GGA2: variants seen among roughly 807,000 people sequenced by gnomAD.
GGA2 encodes the protein ADP-ribosylation factor-binding protein GGA2.
In GGA2, 48 loss-of-function variants were observed where a neutral mutation model predicts 79.5. That is an observed-to-expected ratio of 0.60 (90% CI 0.48 to 0.77). The LOEUF is 0.77. Among genes scored for constraint, GGA2 ranks in the 30% least tolerant of loss-of-function variants. The pLI is 0.00. For synonymous variants in GGA2, 317 were observed against 302.0 expected (o/e 1.05, Z -0.51); for missense variants, 770 against 774.0 (o/e 0.99, Z 0.06).
At chr16:23,504,680 C>G (rs529412775) in intron 1 of GGA2, among the ~76,000 whole-genome samples, 1 of 152,306 alleles carries the variant, frequency 6.6e-6, no homozygotes, top group South Asian at 2.1e-4. Context: ...GCTCCAAGGA[C>G]TAGCTAGGGG....
At chr16:23,500,254 A>G (rs763264148) in intron 1 of GGA2, among the ~76,000 whole-genome samples, 1 of 152,240 alleles carries the variant, frequency 6.6e-6, no homozygotes, top group Non-Finnish European at 1.5e-5. Context: ...GGGAAGAGGT[A>G]TAAGTGCTGA....
rs1180308406 is a variant in GGA2 at position 23,464,152 on chromosome 16, T to C, written c.*3438A>G. 1 of 152,214 alleles carries C rather than the reference T, an allele frequency of 6.6e-6. No individual in the cohort carries two copies. The highest frequency in any genetic ancestry group is 1.5e-5 in the Non-Finnish European group (1 of 68,032). The allele number at this position is 152,214 out of a possible 1,614,324, so 9.4% of individuals were successfully genotyped here. On this transcript the variant is annotated 3_prime_UTR_variant, in exon 17 of 17. Transcript: ENST00000309859. The stretch of plus-strand genomic sequence containing the variant: ...TTTACACTATTTGTACTAGGTAATA[T>C]TCACTTTTCTTTTGGTTGTCATTTA...
intron 3 of GGA2, 138 bp from the exon 4 acceptor site, chr16:23,493,596 T>C (rs777642356): frequency 1.6e-6 from 1 of 637,618 alleles, no homozygotes; most frequent in Non-Finnish European, 2.8e-6. Flanking sequence ...CACTGAAGTT[T>C]TGATGAAGAG....
chr16:23,491,625 G>A, intron 5 of GGA2, 52 bp downstream of exon 5: 2 of 1,560,772 alleles, frequency 1.3e-6, no homozygotes, highest in Non-Finnish European at 1.7e-6. Context: ...GAAAAAGCAA[G>A]AAGATACAGG....
intron 1 of GGA2, chr16:23,501,093 C>T (rs1259309879): frequency 5.3e-6 from 2 of 379,450 alleles, no homozygotes; most frequent in Middle Eastern, 6.4e-4. Flanking sequence ...TTTTGACAAG[C>T]CAATACACCC....
intron 10 of GGA2, 107 bp downstream of exon 10, chr16:23,480,538 C>T (rs1232242803): frequency 3.2e-6 from 3 of 939,960 alleles, no homozygotes; most frequent in Admixed American, 2.3e-5. Context: ...AGGGCGAGTT[C>T]TCTCATTTCT....
Position 23,478,442 on chromosome 16 carries a change from G to A in GGA2, c.1218C>T (p.Gly406=), listed in dbSNP as rs763901655. The A allele has an allele frequency of 2.2e-5, 35 of 1,611,146 alleles. No homozygotes were observed. The highest frequency in any genetic ancestry group is 8.0e-5 in the African/African-American group (6 of 74,862). ...CTGCAGAAGGGTTCTGAACACCACC[G>A]CCTGGCAGCGTGCTGGAGGAGGGAT... ...KRNPSSSTLP[G]GGVQNPSADR... The change falls in exon 13 of 17, where the codon GGC becomes GGT. Residue 406 remains glycine (G), a synonymous_variant. Transcript: ENST00000309859.
chr16:23,483,993 TAA>T (rs769058627), intron 8 of GGA2, among the ~76,000 whole-genome samples: 9 of 119,100 alleles, frequency 7.6e-5, no homozygotes, highest in South Asian at 3.0e-4. Flanking sequence ...AGGAAGACAT[TAA>T]AAAAAAAAAA....
intron 6 of GGA2, among the ~76,000 whole-genome samples, chr16:23,487,050 C>T (rs1320814203): frequency 7.0e-6 from 1 of 142,254 alleles, no homozygotes; most frequent in African/African-American, 2.6e-5. Flanking sequence ...GGCGCAATCT[C>T]GACTCACTGC....
At chr16:23,514,086 C>G (rs1965089943), upstream of GGA2, among the ~76,000 whole-genome samples, 3 of 152,034 alleles carry the variant, frequency 2.0e-5, no homozygotes, top group South Asian at 6.2e-4. Flanking sequence ...TCTGAAAGCT[C>G]CCATGTCAAC....
intron 5 of GGA2, among the ~76,000 whole-genome samples, chr16:23,490,746 A>G (rs1964772489): frequency 6.6e-6 from 1 of 152,056 alleles, no homozygotes; most frequent in Non-Finnish European, 1.5e-5. Flanking sequence ...AAAGAAAAAA[A>G]AAAAAAAGAA....
upstream of GGA2, chr16:23,523,886 G>T (rs1965180879): frequency 6.4e-6 from 1 of 157,046 alleles, no homozygotes; most frequent in Non-Finnish European, 1.4e-5. Flanking sequence ...ACAGTGAGAA[G>T]ACAGCTGTCT....
intron 1 of GGA2, among the ~76,000 whole-genome samples, chr16:23,500,683 C>T (rs1478393257): frequency 3.9e-5 from 6 of 152,240 alleles, no homozygotes; most frequent in Admixed American, 2.0e-4. Context: ...CAGGGTGTGG[C>T]GGGTGGAACC....
intron 1 of GGA2, among the ~76,000 whole-genome samples, chr16:23,499,088 C>G (rs969409971): frequency 6.6e-6 from 1 of 151,692 alleles, no homozygotes; most frequent in African/African-American, 2.4e-5. Flanking sequence ...GAATCCAGAG[C>G]CTTCTCACTC....
intron 9 of GGA2, among the ~76,000 whole-genome samples, chr16:23,481,925 A>T (rs1368328981): frequency 2.0e-5 from 3 of 152,042 alleles, no homozygotes; most frequent in African/African-American, 7.2e-5. Context: ...GATTAAGGAG[A>T]AATTTTATCA....
At position 23,482,941 on chromosome 16, in the gene GGA2, C is replaced by T. The variant is rs117323704; in HGVS notation, c.862G>A (p.Asp288Asn). The T allele has an allele frequency of 1.5e-3, 2,438 of 1,607,966 alleles. 6 individuals carry two copies. Among genetic ancestry groups the T allele is most frequent in the Non-Finnish European group, 1.6e-3 (1,868 of 1,174,348 alleles). The change falls in exon 9 of 17, where the codon GAT (aspartate) becomes AAT (asparagine). Residue 288 changes from aspartate (D) to asparagine (N), a missense_variant. Transcript: ENST00000309859. ...AACTTACCGAGTGCATCATCGTCAT[C>T]AGTGGTGTCACTCGCCAACCGGAAC... The part of the protein sequence containing the change: ...TLFRLASDTT[D>N]DDDALAEILQ...
intron 8 of GGA2, among the ~76,000 whole-genome samples, chr16:23,485,282 T>G (rs1454025040): frequency 6.6e-6 from 1 of 152,192 alleles, no homozygotes; most frequent in Non-Finnish European, 1.5e-5. Context: ...AGGTTTCTTT[T>G]AGGGGTGATT....
intron 1 of GGA2, among the ~76,000 whole-genome samples, chr16:23,497,433 C>G (rs1412644289): frequency 6.6e-6 from 1 of 152,104 alleles, no homozygotes; most frequent in Admixed American, 6.6e-5. Flanking sequence ...TTGAATTTTT[C>G]CTGACTGCAG....
chr16:23,502,899 A>ACTC (rs1964935209), intron 1 of GGA2, among the ~76,000 whole-genome samples: 1 of 152,204 alleles, frequency 6.6e-6, no homozygotes, highest in African/African-American at 2.4e-5. Context: ...TTCTTACAAG[A>ACTC]ACACCAGATC....
Sources: allele counts gnomAD v4.1 joint callset (sites outside exome capture counted in the v4.1 genomes callset), GRCh38; gene constraint gnomAD v4.1.1; transcripts MANE v1.5; gene names NCBI Gene and HGNC (gene_info 2026-07-23, HGNC 2026-07-21).